AGBL4: variants seen among roughly 807,000 people sequenced by gnomAD.
The protein encoded by AGBL4 is cytosolic carboxypeptidase 6.
In AGBL4, 58 loss-of-function variants were observed where a neutral mutation model predicts 66.4. The ratio of observed to expected loss-of-function variants is 0.87; its 90% CI spans 0.71 to 1.09. The LOEUF (loss-of-function observed/expected upper bound fraction) is 1.09. Ranked by LOEUF, AGBL4 falls within the 50% of genes least tolerant of loss-of-function variation. The pLI is 0.00. For synonymous variants in AGBL4, 234 were observed against 222.9 expected, an observed-to-expected ratio of 1.05 and a Z score of -0.44; for missense variants, 579 against 631.0, an observed-to-expected ratio of 0.92 and a Z score of 0.88.
intron 3 of AGBL4, among the ~76,000 whole-genome samples, chr1:49,356,371 A>G (rs778942957): frequency 6.6e-6 from 1 of 152,198 alleles, no homozygotes; most frequent in African/African-American, 2.4e-5. Flanking sequence ...ATGTTCCAAG[A>G]GACTATTAAT....
chr1:49,016,769 G>C (rs972891667), intron 5 of AGBL4, among the ~76,000 whole-genome samples: 20 of 152,238 alleles, frequency 1.3e-4, no homozygotes, highest in Admixed American at 9.2e-4. Context: ...ACCAGGCTCA[G>C]TGCCTGTCAT....
intron 1 of AGBL4, among the ~76,000 whole-genome samples, chr1:49,856,904 A>G (rs1646447745): frequency 6.6e-6 from 1 of 152,100 alleles, no homozygotes; most frequent in Non-Finnish European, 1.5e-5. Context: ...GGGAAAAGAG[A>G]AATCCAAATG....
intron 3 of AGBL4, among the ~76,000 whole-genome samples, chr1:49,384,267 A>C (rs1644686913): frequency 6.6e-6 from 1 of 152,158 alleles, no homozygotes; most frequent in East Asian, 1.9e-4. Context: ...TTCGGATTCA[A>C]AAATTCGGAA....
intron 1 of AGBL4, among the ~76,000 whole-genome samples, chr1:49,967,563 G>A (rs577650367): frequency 5.4e-4 from 82 of 152,128 alleles, no homozygotes; most frequent in Non-Finnish European, 9.6e-4. Flanking sequence ...ACCTAATGTA[G>A]GTGACAGGTT....
At chr1:49,460,331 C>T (rs1460554404) in intron 3 of AGBL4, among the ~76,000 whole-genome samples, 4 of 151,580 alleles carry the variant, frequency 2.6e-5, no homozygotes, top group Non-Finnish European at 5.9e-5. Flanking sequence ...GTCCTTTTAT[C>T]GTTATATGAT....
At chr1:49,502,183 G>A (rs1367543357) in intron 3 of AGBL4, among the ~76,000 whole-genome samples, 1 of 152,158 alleles carries the variant, frequency 6.6e-6, no homozygotes, top group Non-Finnish European at 1.5e-5. Flanking sequence ...TTGTGTCTGT[G>A]AGGGTGTTGG....
At chr1:49,841,799 TA>T (rs540783752) in intron 2 of AGBL4, 40,216 of 264,006 alleles carry the variant, frequency 0.15, 13 homozygotes, top group South Asian at 0.24. Flanking sequence ...GACAATGTGA[TA>T]AAAAAAAAAA....
At chr1:49,282,115 G>A (rs1003720766) in intron 3 of AGBL4, among the ~76,000 whole-genome samples, 4 of 152,190 alleles carry the variant, frequency 2.6e-5, no homozygotes, top group Admixed American at 2.0e-4. Context: ...TACTCAGTTG[G>A]TGTCCATTGG....
chr1:48,669,537 C>T (rs1646243116), intron 6 of AGBL4, among the ~76,000 whole-genome samples: 1 of 152,198 alleles, frequency 6.6e-6, no homozygotes, highest in South Asian at 2.1e-4. Context: ...AAATAGCCCC[C>T]AGTCAAGAAC....
intron 2 of AGBL4, among the ~76,000 whole-genome samples, chr1:49,738,021 A>G (rs1441172283): frequency 6.6e-6 from 1 of 152,224 alleles, no homozygotes; most frequent in Non-Finnish European, 1.5e-5. Flanking sequence ...CAACTGAGGT[A>G]CCAGGTTCAT....
chr1:49,432,193 G>A (rs1570701909), intron 3 of AGBL4, among the ~76,000 whole-genome samples: 2 of 152,222 alleles, frequency 1.3e-5, no homozygotes, highest in African/African-American at 4.8e-5. Flanking sequence ...TCCAGAGGAA[G>A]GTCTTCAGGA....
rs570867246 is a variant in AGBL4, at chr1:49,331,655, C to A, written c.283-85791G>T. ...TTCTAGCGACAGAACTCTGATCTCT[C>A]CCTGGGACGGAGAGCCCGGCGGGAG... On this transcript the variant is annotated intron_variant, in intron 3 of 13. Coordinates refer to ENST00000371839, the MANE Select transcript of AGBL4 (RefSeq NM_032785.4). 2.2e-3 allele frequency among the ~76,000 whole-genome samples: 340 copies of A among 152,272 alleles called. 4 individuals carry two copies. The highest frequency in any genetic ancestry group is 7.9e-3 in the African/African-American group (327 of 41,558).
At chr1:48,952,874 T>C (rs536559515) in intron 5 of AGBL4, among the ~76,000 whole-genome samples, 1 of 152,264 alleles carries the variant, frequency 6.6e-6, no homozygotes, top group East Asian at 1.9e-4. Flanking sequence ...TTTTTTTTTT[T>C]AGCTCATCAG....
chr1:48,591,027 G>C, intron 9 of AGBL4, 42 bp from the exon 10 acceptor site: 1 of 1,556,414 alleles, frequency 6.4e-7, no homozygotes, highest in Non-Finnish European at 8.7e-7. Flanking sequence ...CTGGGCTGTA[G>C]AGCTTGTGTA....
At chr1:49,308,205 T>C (rs1224808892) in intron 3 of AGBL4, among the ~76,000 whole-genome samples, 1 of 152,170 alleles carries the variant, frequency 6.6e-6, no homozygotes, top group Non-Finnish European at 1.5e-5. Context: ...TTTTCCTTTA[T>C]AAATTACCCA....
chr1:49,191,797 CT>C (rs1364665625), intron 4 of AGBL4, among the ~76,000 whole-genome samples: 1 of 152,130 alleles, frequency 6.6e-6, no homozygotes, highest in African/African-American at 2.4e-5. Context: ...TGATGTTGTT[CT>C]TTTTTATGGC....
At chr1:49,728,891 C>CA (rs1486760553) in intron 2 of AGBL4, among the ~76,000 whole-genome samples, 2 of 151,912 alleles carry the variant, frequency 1.3e-5, no homozygotes, top group South Asian at 2.1e-4. Context: ...CAAAACAAAA[C>CA]AAAAAAAGAA....
chr1:48,866,451 A>C (rs1420263528), intron 6 of AGBL4, among the ~76,000 whole-genome samples: 1 of 152,188 alleles, frequency 6.6e-6, no homozygotes, highest in Non-Finnish European at 1.5e-5. Flanking sequence ...AATATTTTGA[A>C]TATCACCCAT....
At chr1:49,438,264 A>G (rs1384589161) in intron 3 of AGBL4, among the ~76,000 whole-genome samples, 2 of 152,234 alleles carry the variant, frequency 1.3e-5, no homozygotes, top group Non-Finnish European at 2.9e-5. Flanking sequence ...TGCCTCTCAA[A>G]TAAACCACTC....
Sources: gnomAD v4.1 joint callset for allele counts (sites outside exome capture counted in the v4.1 genomes callset) on GRCh38, gnomAD v4.1.1 for gene constraint, MANE v1.5 for transcripts, NCBI Gene and HGNC (gene_info 2026-07-23, HGNC 2026-07-21) for gene names.